The following SRGAP3 variants were observed in gnomAD, a reference collection of about 807,000 sequenced individuals.
SRGAP3 encodes the protein SLIT-ROBO Rho GTPase activating protein 3.
A neutral mutation model predicts 121.1 loss-of-function variants in SRGAP3; 39 were observed. The ratio of observed to expected loss-of-function variants is 0.32; its 90% confidence interval spans 0.25 to 0.42. The LOEUF (loss-of-function observed/expected upper bound fraction) is 0.42, where lower values mean the gene tolerates loss of function less well. Ranked by LOEUF, SRGAP3 falls within the 10% of genes least tolerant of loss-of-function variation. The probability of loss-of-function intolerance (pLI) is 1.00; values close to 1 mark genes in which losing one functional copy is unlikely to be tolerated. For missense variants in SRGAP3, 1,213 were observed against 1,470.6 expected, an observed-to-expected ratio of 0.82 and a Z score of 2.86; for synonymous variants, 601 against 570.0, an observed-to-expected ratio of 1.05 and a Z score of -0.77.
chr3:9,257,059 C>G (rs1366540014), intron 3 of SRGAP3: 7 of 391,340 alleles, frequency 1.8e-5, no homozygotes, highest in African/African-American at 4.1e-5. Context: ...TTATCTATTC[C>G]TCAGTTAGTT....
intron 1 of SRGAP3, among the ~76,000 whole-genome samples, chr3:9,341,036 C>T (rs1955779778): frequency 6.6e-6 from 1 of 152,156 alleles, no homozygotes. Context: ...CAGAAAGTGT[C>T]CTCACATAAC....
chr3:9,146,927 C>A (rs1450745993), intron 1 of SRGAP3, among the ~76,000 whole-genome samples: 1 of 152,176 alleles, frequency 6.6e-6, no homozygotes, highest in Non-Finnish European at 1.5e-5. Flanking sequence ...TGCTGTGATG[C>A]AATGTAGGCT....
At chr3:9,156,499 G>T (rs2125066742) in intron 1 of SRGAP3, among the ~76,000 whole-genome samples, 1 of 152,306 alleles carries the variant, frequency 6.6e-6, no homozygotes, top group South Asian at 2.1e-4. Flanking sequence ...TGTCTACAAG[G>T]ATGTGTTGGT....
At chr3:9,196,867 G>C (rs1309527957) in intron 1 of SRGAP3, among the ~76,000 whole-genome samples, 1 of 152,222 alleles carries the variant, frequency 6.6e-6, no homozygotes, top group Non-Finnish European at 1.5e-5. Flanking sequence ...CAGCCAGTTA[G>C]GTGCAGAAAC....
chr3:9,182,487 C>T (rs1047455358), intron 1 of SRGAP3, among the ~76,000 whole-genome samples: 4 of 152,088 alleles, frequency 2.6e-5, no homozygotes, highest in Admixed American at 1.3e-4. Context: ...CCAGAGCCAA[C>T]AGGGAGAGCG....
chr3:9,229,192 G>A (rs888397162), intron 1 of SRGAP3, among the ~76,000 whole-genome samples: 3 of 152,004 alleles, frequency 2.0e-5, no homozygotes, highest in South Asian at 2.1e-4. Flanking sequence ...TAGGTTCTAC[G>A]ATACAGTCAT....
At chr3:9,110,604 C>G (rs569326555) in intron 2 of SRGAP3, among the ~76,000 whole-genome samples, 3 of 152,246 alleles carry the variant, frequency 2.0e-5, no homozygotes, top group Non-Finnish European at 2.9e-5. Flanking sequence ...GCAGCCTGGC[C>G]TCCTCTGAGA....
At chr3:9,314,848 C>G (rs544595248) in intron 3 of SRGAP3, among the ~76,000 whole-genome samples, 1 of 152,318 alleles carries the variant, frequency 6.6e-6, no homozygotes, top group African/African-American at 2.4e-5. Context: ...AGGGAGGGGA[C>G]CTGGCACTGG....
At chr3:9,300,159 C>CTACCCCCAA (rs2125274208) in intron 3 of SRGAP3, among the ~76,000 whole-genome samples, 1 of 262 alleles carries the variant, frequency 3.8e-3, no homozygotes. Context: ...GTCACCACCA[C>CTACCCCCAA]CATCATCATC....
At chr3:9,355,394 T>C (rs762127883) in intron 1 of SRGAP3, among the ~76,000 whole-genome samples, 9 of 152,214 alleles carry the variant, frequency 5.9e-5, no homozygotes, top group Non-Finnish European at 1.3e-4. Flanking sequence ...TCAGGCACGG[T>C]GATAATTTGT....
In SRGAP3 at chr3:9,056,812, T is replaced by A. The variant is rs143041678; in HGVS notation, c.1024-478A>T. Among the ~76,000 whole-genome samples, 1,203 of 152,106 alleles carry A rather than the reference T, an allele frequency of 7.9e-3. 30 individuals are homozygous for A. Among genetic ancestry groups the A allele is most frequent in the Non-Finnish European group, 6.0e-3 (409 of 67,972 alleles). ...ACAATGTGCTCTCACAGCTCATAGCTCTTCGTCCCCCAGCAATTGACTGGG... is the reference window on the plus strand; with the variant it reads ...ACAATGTGCTCTCACAGCTCATAGCACTTCGTCCCCCAGCAATTGACTGGG... On this transcript the variant is annotated intron_variant, in intron 7 of 21. Transcript: ENST00000383836.
chr3:9,289,527 C>A (rs918758552), intron 3 of SRGAP3, among the ~76,000 whole-genome samples: 29 of 152,202 alleles, frequency 1.9e-4, no homozygotes, highest in African/African-American at 7.0e-4. Context: ...TGTGTGAATT[C>A]ATGTTATAGA....
intron 1 of SRGAP3, among the ~76,000 whole-genome samples, chr3:9,159,992 C>CA (rs1232243636): frequency 6.6e-6 from 1 of 152,114 alleles, no homozygotes; most frequent in Non-Finnish European, 1.5e-5. Context: ...GGATGCTTTC[C>CA]AAAAAACTAT....
At chr3:9,174,474 T>G (rs1478415405) in intron 1 of SRGAP3, among the ~76,000 whole-genome samples, 2 of 149,224 alleles carry the variant, frequency 1.3e-5, no homozygotes, top group Non-Finnish European at 3.0e-5. Flanking sequence ...GTGGAGGGAG[T>G]AGGGAAGGAG....
intron 18 of SRGAP3, among the ~76,000 whole-genome samples, chr3:8,997,077 T>A (rs907411415): frequency 1.3e-5 from 2 of 152,200 alleles, no homozygotes; most frequent in Non-Finnish European, 2.9e-5. Context: ...TTTGCAGACG[T>A]CGTTACATAA....
At chr3:9,343,765 G>C (rs1319221744) in intron 1 of SRGAP3, among the ~76,000 whole-genome samples, 1 of 152,124 alleles carries the variant, frequency 6.6e-6, no homozygotes, top group African/African-American at 2.4e-5. Flanking sequence ...TGACCTCCCA[G>C]TCTCAAGCTA....
intron 1 of SRGAP3, among the ~76,000 whole-genome samples, chr3:9,138,457 C>G (rs1320131166): frequency 6.6e-6 from 1 of 152,052 alleles, no homozygotes; most frequent in Non-Finnish European, 1.5e-5. Flanking sequence ...ATGCTAGCAC[C>G]TAAGAGCAAC....
chr3:9,272,730 G>T (rs1347825990), intron 3 of SRGAP3, among the ~76,000 whole-genome samples: 1 of 152,088 alleles, frequency 6.6e-6, no homozygotes, highest in African/African-American at 2.4e-5. Flanking sequence ...ATAACTATTT[G>T]TTGGAGTCTC....
At chr3:9,068,969 C>T (rs1464928544) in intron 4 of SRGAP3, among the ~76,000 whole-genome samples, 1 of 152,134 alleles carries the variant, frequency 6.6e-6, no homozygotes, top group African/African-American at 2.4e-5. Flanking sequence ...CTCAAAAAAA[C>T]CCTATGAGAT....
Sources: allele counts gnomAD v4.1 joint callset (sites outside exome capture counted in the v4.1 genomes callset), GRCh38; gene constraint gnomAD v4.1.1; transcripts MANE v1.5; gene names NCBI Gene and HGNC (gene_info 2026-07-23, HGNC 2026-07-21).